Variants in AUTS2 observed in about 807,000 individuals in gnomAD.
AUTS2 encodes activator of transcription and developmental regulator AUTS2, also known as autism susceptibility gene 2 protein.
A neutral mutation model predicts 112.4 loss-of-function variants in AUTS2; 17 were observed. The observed-to-expected ratio is 0.15, with a 90% CI of 0.10 to 0.23. The LOEUF (loss-of-function observed/expected upper bound fraction) is 0.23, where lower values mean the gene tolerates loss of function less well. AUTS2 is among the 10% of genes least tolerant of loss of function. The pLI, the probability that AUTS2 is intolerant of heterozygous loss-of-function variation, is 1.00. For missense variants in AUTS2, 1,510 were observed against 1,701.6 expected (o/e 0.89, Z 1.98); for synonymous variants, 751 against 702.7 (o/e 1.07, Z -1.09).
chr7:70,209,458 T>C (rs1810743692), intron 4 of AUTS2, among the ~76,000 whole-genome samples: 1 of 152,142 alleles, frequency 6.6e-6, no homozygotes, highest in African/African-American at 2.4e-5. Flanking sequence ...CGTGGAGGTA[T>C]AAATGTGAAA....
chr7:70,188,262 G>A (rs1809708013), intron 4 of AUTS2, among the ~76,000 whole-genome samples: 1 of 152,138 alleles, frequency 6.6e-6, no homozygotes, highest in African/African-American at 2.4e-5. Flanking sequence ...TCATTCCACA[G>A]CTGTTCCTTG....
At chr7:70,175,768 A>G (rs562895802) in intron 4 of AUTS2, among the ~76,000 whole-genome samples, 1 of 152,354 alleles carries the variant, frequency 6.6e-6, no homozygotes, top group East Asian at 1.9e-4. Flanking sequence ...TTTAAAATTA[A>G]GGTAACTACA....
chr7:70,271,568 C>A (rs1311603693), intron 4 of AUTS2, among the ~76,000 whole-genome samples: 2 of 152,176 alleles, frequency 1.3e-5, no homozygotes, highest in Admixed American at 6.5e-5. Flanking sequence ...TACATCAATG[C>A]AGTATTTGTT....
At chr7:70,434,466 T>C (rs992317332) in intron 4 of AUTS2, among the ~76,000 whole-genome samples, 1 of 152,332 alleles carries the variant, frequency 6.6e-6, no homozygotes, top group African/African-American at 2.4e-5. Flanking sequence ...CTAAAAAACC[T>C]TGGCATCATC....
At chr7:70,762,185 A>G (rs942390189) in intron 6 of AUTS2, among the ~76,000 whole-genome samples, 1 of 152,236 alleles carries the variant, frequency 6.6e-6, no homozygotes, top group Non-Finnish European at 1.5e-5. Flanking sequence ...TGTTCAACAA[A>G]TGTATTTGTT....
At chr7:70,475,140 C>CCCTCCACACATCAGAA (rs1486085619) in intron 5 of AUTS2, among the ~76,000 whole-genome samples, 2 of 152,206 alleles carry the variant, frequency 1.3e-5, no homozygotes, top group East Asian at 3.8e-4. Flanking sequence ...CCTGTCTACA[C>CCCTCCACACATCAGAA]TCTCTCTGCC....
At chr7:70,389,309 C>A (rs1211561566) in intron 4 of AUTS2, among the ~76,000 whole-genome samples, 1 of 152,128 alleles carries the variant, frequency 6.6e-6, no homozygotes, top group African/African-American at 2.4e-5. Context: ...GTATTTCCAC[C>A]CAATCCTTCA....
intron 1 of AUTS2, among the ~76,000 whole-genome samples, chr7:69,769,513 C>T (rs1788570708): frequency 6.6e-6 from 1 of 152,110 alleles, no homozygotes; most frequent in South Asian, 2.1e-4. Flanking sequence ...GATGGAAATG[C>T]ACCATTCTGC....
chr7:69,853,845 T>C (rs1479871031), intron 1 of AUTS2, among the ~76,000 whole-genome samples: 1 of 152,126 alleles, frequency 6.6e-6, no homozygotes, highest in Non-Finnish European at 1.5e-5. Flanking sequence ...TTAAAAAAAA[T>C]TATTGATACA....
At chr7:69,770,790 C>A (rs1272221138) in intron 1 of AUTS2, among the ~76,000 whole-genome samples, 1 of 138,458 alleles carries the variant, frequency 7.2e-6, no homozygotes, top group Non-Finnish European at 1.6e-5. Flanking sequence ...ACTACTTCCG[C>A]TTGCTTTTTT....
At position 69,967,359 on chromosome 7, in the gene AUTS2, C is replaced by G. The variant is rs566666620; in HGVS notation, c.522+67861C>G. ...GCCTCCTGCCTTTACTGACATGTGC[C>G]ATTTGTGAGGAGGGCAGTTGAAGTC... is the stretch of plus-strand genomic sequence containing the variant. On this transcript the variant is annotated intron_variant, in intron 2 of 18. Coordinates refer to ENST00000342771, the MANE Select transcript of AUTS2 (RefSeq NM_015570.4). 2.1e-3 allele frequency among the ~76,000 whole-genome samples: 321 copies of G among 152,164 alleles called. 1 individual carries two copies. The highest frequency in any genetic ancestry group is 3.4e-3 in the Middle Eastern group (1 of 294).
intron 1 of AUTS2, among the ~76,000 whole-genome samples, chr7:69,673,815 G>T (rs990093467): frequency 6.6e-6 from 1 of 152,172 alleles, no homozygotes; most frequent in African/African-American, 2.4e-5. Flanking sequence ...GTGCTCCAGG[G>T]AAAAGGAGAT....
chr7:70,222,081 G>T (rs189144392), intron 4 of AUTS2, among the ~76,000 whole-genome samples: 1 of 151,996 alleles, frequency 6.6e-6, no homozygotes, highest in Non-Finnish European at 1.5e-5. Context: ...TTAAATTATT[G>T]TAAAATTAAA....
In AUTS2 at chr7:70,766,951, A is replaced by G. The variant is rs1789982117; in HGVS notation, c.1689+617A>G. On this transcript the variant is annotated intron_variant, in intron 9 of 18. Transcript: ENST00000342771. This position sits in a 1 kb window ranked among gnomAD's most constrained non-coding sequence, Gnocchi z 4.8. ...AACGCTCTGCCTTGGGGCAAGAGGAACCACTGGCCATGACATGGTCTTGCT... is the reference window on the plus strand; with the variant it reads ...AACGCTCTGCCTTGGGGCAAGAGGAGCCACTGGCCATGACATGGTCTTGCT... 6.6e-6 allele frequency among the ~76,000 whole-genome samples: 1 copy of G among 152,230 alleles called. No homozygotes were observed. The highest frequency in any genetic ancestry group is 1.5e-5 in the Non-Finnish European group (1 of 68,048).
At chr7:69,684,078 T>C (rs1796945287) in intron 1 of AUTS2, among the ~76,000 whole-genome samples, 1 of 152,088 alleles carries the variant, frequency 6.6e-6, no homozygotes, top group Non-Finnish European at 1.5e-5. Context: ...CATCTTGAGA[T>C]TGGAAACAGC....
chr7:70,717,047 T>G (rs1231555356), intron 6 of AUTS2, among the ~76,000 whole-genome samples: 1 of 150,742 alleles, frequency 6.6e-6, no homozygotes, highest in East Asian at 2.0e-4. Flanking sequence ...TTTTATTTAT[T>G]TAGACACTGG....
chr7:70,217,325 G>A (rs1051186180), intron 4 of AUTS2, among the ~76,000 whole-genome samples: 4 of 152,310 alleles, frequency 2.6e-5, no homozygotes, highest in African/African-American at 9.6e-5. Flanking sequence ...GGAACTGGAA[G>A]ATAAAGTATG....
intron 2 of AUTS2, among the ~76,000 whole-genome samples, chr7:69,975,712 G>A (rs1448497065): frequency 6.7e-6 from 1 of 150,364 alleles, no homozygotes; most frequent in Non-Finnish European, 1.5e-5. Context: ...TTTTTGAGGT[G>A]GAGTCTGCTC....
intron 6 of AUTS2, among the ~76,000 whole-genome samples, chr7:70,711,889 C>A (rs575462706): frequency 1.3e-5 from 2 of 152,256 alleles, no homozygotes; most frequent in African/African-American, 4.8e-5. Context: ...CTTTCCATGC[C>A]CCTTTACTCA....
Sources: allele counts gnomAD v4.1 joint callset (sites outside exome capture counted in the v4.1 genomes callset), GRCh38; gene constraint gnomAD v4.1.1; non-coding constraint Gnocchi (gnomAD v3.1); transcripts MANE v1.5; gene names NCBI Gene and HGNC (gene_info 2026-07-23, HGNC 2026-07-21).